Variants in COL5A3 observed in about 807,000 individuals in gnomAD.
COL5A3 encodes collagen type V alpha 3 chain.
Under a neutral mutation model 250.0 loss-of-function variants are expected in COL5A3, and 172 were observed. The ratio of observed to expected loss-of-function variants is 0.69; its 90% CI spans 0.61 to 0.78. The LOEUF (loss-of-function observed/expected upper bound fraction) is 0.78. Among genes scored for constraint, COL5A3 ranks in the 30% least tolerant of loss-of-function variants. The probability of loss-of-function intolerance (pLI) is 0.00; values close to 1 mark genes in which losing one functional copy is unlikely to be tolerated. For synonymous variants in COL5A3, 937 were observed against 900.4 expected, an observed-to-expected ratio of 1.04 and a Z score of -0.73; for missense variants, 2,340 against 2,334.4, an observed-to-expected ratio of 1.00 and a Z score of -0.05.
rs1373887472 is a variant in COL5A3, at chr19:9,960,562, C to A, written c.5092-5G>T. The A allele has an allele frequency of 1.4e-5, 23 of 1,614,134 alleles. No individual in the cohort carries two copies. Among genetic ancestry groups the A allele is most frequent in the Non-Finnish European group, 1.9e-5 (23 of 1,180,034 alleles). On this transcript the variant is annotated splice_region_variant and splice_polypyrimidine_tract_variant and intron_variant, in intron 66 of 66. Coordinates refer to ENST00000264828, the MANE Select transcript of COL5A3 (RefSeq NM_015719.4). ...CTTCGTCTGTCCTTTCCGGAGCTGT[C>A]CCCAGAGAAGACAGAGACGGTGAGT...
intron 41 of COL5A3, 27 bp downstream of exon 41, chr19:9,978,547 C>T (rs750346353): frequency 1.6e-5 from 25 of 1,537,054 alleles, no homozygotes; most frequent in Non-Finnish European, 1.8e-5. Context: ...CACCCTGCCC[C>T]CACCCAGCAC....
At chr19:10,003,827 G>T in intron 5 of COL5A3, 113 bp from the exon 6 acceptor site, 1 of 1,399,582 alleles carries the variant, frequency 7.1e-7, no homozygotes, top group Non-Finnish European at 9.9e-7. Context: ...TCAGCCCTGT[G>T]ACCTGGAGTC....
At chr19:9,985,737 C>T (rs1301514412) in intron 31 of COL5A3, 105 bp downstream of exon 31, 23 of 1,043,410 alleles carry the variant, frequency 2.2e-5, no homozygotes, top group Non-Finnish European at 2.8e-5. Context: ...CTCAGTGACC[C>T]TTGGGGTGGG....
At position 9,977,288 on chromosome 19, in the gene COL5A3, G is replaced by A; in HGVS notation, c.3235-6C>T. ...CCGGGGGCACCCACATCCCCCTGCA[G>A]AGGAAATGGGATGAAGGACCCAGCT... On this transcript the variant is annotated splice_polypyrimidine_tract_variant and splice_region_variant and intron_variant, in intron 43 of 66. Transcript: ENST00000264828. 6.2e-7 allele frequency: 1 copy of A among 1,614,034 alleles called. No homozygotes were observed. The highest frequency in any genetic ancestry group is 1.3e-5 in the African/African-American group (1 of 75,030).
rs866536014 is a variant in COL5A3, at chr19:9,970,633, G to T, written c.3925C>A (p.Pro1309Thr). ...ASGEPGAPGP[P>T]GKRGPSGHMG... ...GGCTTATCACTTACCCTCTTGCCGGGGGGCCCGGGGGCGCCGGGCTCCCCA... is the reference window on the plus strand; with the variant it reads ...GGCTTATCACTTACCCTCTTGCCGGTGGGCCCGGGGGCGCCGGGCTCCCCA... Residue 1309 changes from proline to threonine, a missense_variant, in exon 54 of 67, where the codon CCC becomes ACC. Physicochemically the swap from Pro to Thr is conservative, Grantham distance 38. Around this residue, in one of 3 missense-constraint regions of COL5A3, gnomAD observed 1,179 missense variants for 1,162.6 expected, o/e 1.01. Transcript: ENST00000264828. The T allele has an allele frequency of 6.9e-7, 1 of 1,450,348 alleles. No homozygotes were observed. The allele number at this position is 1,450,348 out of a possible 1,614,324, so 89.8% of individuals were successfully genotyped here.
chr19:9,968,430 CT>C lies in COL5A3; in HGVS notation c.4268del (p.Gln1423ArgfsTer37), dbSNP rs1344014513. ...PPGEAGEKGD[Q>X]GLPGVQGPPG... ...GGGGTCCCTGCACGCCTGGCAACCC[CT>C]GATCTCCTTTCTCACCAGCTTCTCC... On this transcript the variant is annotated frameshift_variant, in exon 59 of 67. Transcript: ENST00000264828. LOFTEE classifies it high-confidence loss of function. This position sits in a 1 kb window ranked among gnomAD's most constrained non-coding sequence, Gnocchi z 4.1. 1.3e-6 allele frequency: 2 copies of C among 1,591,480 alleles called. No individual in the cohort carries two copies. The highest frequency in any genetic ancestry group is 1.9e-5 in the Admixed American group (1 of 51,370).
At chr19:9,980,941 C>T (rs1157555488) in intron 33 of COL5A3, 82 bp from the exon 34 acceptor site, 17 of 1,513,466 alleles carry the variant, frequency 1.1e-5, no homozygotes, top group Middle Eastern at 2.3e-4. Flanking sequence ...CAGGTCCCCT[C>T]CCCTTGTGAC....
At chr19:10,004,784 A>G (rs2087417545) in intron 4 of COL5A3, among the ~76,000 whole-genome samples, 1 of 152,172 alleles carries the variant, frequency 6.6e-6, no homozygotes, top group Admixed American at 6.5e-5. Flanking sequence ...CACACCCAGA[A>G]CACATATCAC....
intron 31 of COL5A3, among the ~76,000 whole-genome samples, chr19:9,984,531 G>A (rs1301253157): frequency 6.6e-6 from 1 of 152,152 alleles, no homozygotes; most frequent in African/African-American, 2.4e-5. Context: ...TGTAAGATGT[G>A]TATTTTATGA....
chr19:9,977,727 T>A, intron 41 of COL5A3, 26 bp from the exon 42 acceptor site: 2 of 1,510,452 alleles, frequency 1.3e-6, no homozygotes, highest in Non-Finnish European at 1.8e-6. Flanking sequence ...ATGAATCAGG[T>A]ATAATACCAG....
rs1555738985 is a variant in COL5A3 at position 9,988,855 on chromosome 19, A to AAAAGAGAGAAAG, written c.2145+268_2145+269insCTTTCTCTCTTT. On this transcript the variant is annotated intron_variant, in intron 27 of 66. Coordinates refer to ENST00000264828, the MANE Select transcript of COL5A3 (RefSeq NM_015719.4). ...TCTCAAAAAAAAAAAAAAAAAAAAA[A>AAAAGAGAGAAAG]AAAGAAAGTAAAGAAAAGAAAAGGA... Among the ~76,000 whole-genome samples, 426 of 104,604 alleles carry AAAAGAGAGAAAG rather than the reference A, an allele frequency of 4.1e-3. 9 individuals are homozygous for AAAAGAGAGAAAG. The highest frequency in any genetic ancestry group is 9.4e-3 in the African/African-American group (210 of 22,334). The allele number at this position is 104,604 out of a possible 152,430, so 68.6% of individuals were successfully genotyped here.
intron 60 of COL5A3, 40 bp downstream of exon 60, chr19:9,967,986 A>G (rs2086778005): frequency 1.2e-6 from 2 of 1,600,254 alleles, no homozygotes; most frequent in Non-Finnish European, 8.5e-7. Flanking sequence ...CTGGACCACC[A>G]CAGTGACCTC....
Position 10,010,305 on chromosome 19 carries a change from C to G in COL5A3, c.81G>C (p.Thr27=). The part of the protein sequence containing the change: ...LLAALQLLPG[T]QADPVDVLKA... ...TCTTCCCTCCCGGCTCACCGGCCTG[C>G]GTCCCCGGCAGAAGCTGCAGCGCGG... Residue 27 remains threonine (T), a synonymous_variant, in exon 1 of 67, where the codon ACG becomes ACC. Transcript: ENST00000264828. The G allele has an allele frequency of 1.4e-6, 2 of 1,446,748 alleles. No homozygotes were observed. The highest frequency in any genetic ancestry group is 1.8e-6 in the Non-Finnish European group (2 of 1,094,132). 89.6% of individuals were successfully genotyped at this position (1,446,748 alleles called of 1,614,324 possible).
intron 27 of COL5A3, among the ~76,000 whole-genome samples, chr19:9,988,851 A>AGATAGAGAG (rs538318191): frequency 1.5e-5 from 1 of 67,254 alleles, no homozygotes; most frequent in Admixed American, 1.2e-4. Flanking sequence ...AAAAAAAAAA[A>AGATAGAGAG]AAAAAAAGAA....
chr19:9,995,285 A>G (rs2087253631), intron 16 of COL5A3, among the ~76,000 whole-genome samples: 2 of 152,190 alleles, frequency 1.3e-5, no homozygotes, highest in Non-Finnish European at 1.5e-5. Context: ...TCCATGTGAC[A>G]GGCCTCTTTT....
At position 10,009,332 on chromosome 19, in the gene COL5A3, C is replaced by T. The variant is rs1020911336; in HGVS notation, c.88+966G>A. ...ATCCCCTGACTCCCGAAGCGCCCCC[C>T]ACTCTGAACCCTGAGGGGCGGGACA... On this transcript the variant is annotated intron_variant, in intron 1 of 66. Coordinates refer to ENST00000264828, the MANE Select transcript of COL5A3 (RefSeq NM_015719.4). The surrounding 1 kb of genome is among the most constrained non-coding windows in gnomAD (Gnocchi z 4.4). 5.3e-5 allele frequency among the ~76,000 whole-genome samples: 8 copies of T among 152,234 alleles called. No individual in the cohort carries two copies. In the South Asian group the frequency reaches 6.2e-4, roughly 12 times the overall value.
At chr19:9,982,902 C>T (rs1042547857) in intron 31 of COL5A3, among the ~76,000 whole-genome samples, 1 of 152,152 alleles carries the variant, frequency 6.6e-6, no homozygotes, top group African/African-American at 2.4e-5. Flanking sequence ...GTCACCCAGG[C>T]TGGAGTGCAG....
chr19:9,991,879 G>A (rs375231178), intron 22 of COL5A3, 38 bp from the exon 23 acceptor site: 3 of 1,602,556 alleles, frequency 1.9e-6, no homozygotes, highest in African/African-American at 2.7e-5. Context: ...GCTAAGAGGG[G>A]TCATGGTGTT....
chr19:9,979,662 C>A (rs529972546), intron 37 of COL5A3, among the ~76,000 whole-genome samples, 177 bp downstream of exon 37: 1 of 152,018 alleles, frequency 6.6e-6, no homozygotes, highest in African/African-American at 2.4e-5. Context: ...TGGTGGCACG[C>A]GCCTGTAGTG....
Sources: gnomAD v4.1 joint callset for allele counts (sites outside exome capture counted in the v4.1 genomes callset) on GRCh38, gnomAD v4.1.1 for gene constraint, gnomAD v4.1.1 regional missense constraint, Gnocchi (gnomAD v3.1) non-coding constraint, MANE v1.5 for transcripts, NCBI Gene and HGNC (gene_info 2026-07-23, HGNC 2026-07-21) for gene names.